BST1: variants seen among roughly 807,000 people sequenced by gnomAD.
The protein encoded by BST1 is bone marrow stromal cell antigen 1.
BST1 carries 49 observed loss-of-function variants against 40.6 expected under a neutral mutation model. The observed-to-expected ratio is 1.21, with a 90% CI of 0.96 to 1.53. BST1 has a LOEUF of 1.53. Among genes scored for constraint, BST1 ranks in the 40% most tolerant of loss-of-function variants. The probability of loss-of-function intolerance (pLI) is 0.00; values close to 1 mark genes in which losing one functional copy is unlikely to be tolerated. For synonymous variants in BST1, 157 were observed against 159.3 expected (o/e 0.99, Z 0.11); for missense variants, 423 against 395.9 (o/e 1.07, Z -0.58).
At chr4:15,759,060 CAGTTA>C in the BST1 span, among the ~76,000 whole-genome samples, 1 of 152,052 alleles carries the variant, frequency 6.6e-6, no homozygotes, top group African/African-American at 2.4e-5. Context: ...TGTGTGTCCT[CAGTTA>C]AGTTAACTGA....
rs768812776 is a variant in BST1, at chr4:15,707,584, G to A, written c.389G>A (p.Ser130Asn). ...AACACCCGTCGTTTTATGCCCCTGA[G>A]CGATGTTCTGTATGGCAGGGTTGCA... ...ADNTRRFMPLSDVLYGRVADF... is the reference protein window; with the variant it reads ...ADNTRRFMPLNDVLYGRVADF... Residue 130 changes from serine to asparagine, a missense_variant, in exon 3 of 9, where the codon AGC (serine) becomes AAC (asparagine). Ser to Asn is a conservative substitution (Grantham distance 46, BLOSUM62 1). Transcript: ENST00000265016. The A allele has an allele frequency of 3.1e-6, 5 of 1,613,932 alleles. No homozygotes were observed. Among genetic ancestry groups the A allele is most frequent in the East Asian group, 2.2e-5 (1 of 44,882 alleles).
the BST1 span, among the ~76,000 whole-genome samples, chr4:15,756,965 T>C: frequency 2.0e-5 from 3 of 152,222 alleles, no homozygotes; most frequent in Non-Finnish European, 4.4e-5. Context: ...GTAAAAGAAA[T>C]GTATGCCTAT....
Position 15,707,594 on chromosome 4 carries a change from G to C in BST1, c.399G>C (p.Leu133=), listed in dbSNP as rs773856042. The part of the protein sequence containing the change: ...TRRFMPLSDV[L]YGRVADFLSW... ...GTTTTATGCCCCTGAGCGATGTTCT[G>C]TATGGCAGGGTTGCAGATTTCTTGA... The change falls in exon 3 of 9, where the codon CTG becomes CTC. Residue 133 remains leucine (L), a synonymous_variant. Coordinates refer to ENST00000265016, the MANE Select transcript of BST1 (RefSeq NM_004334.3). 6.2e-7 allele frequency: 1 copy of C among 1,614,054 alleles called. No individual in the cohort carries two copies. The highest frequency in any genetic ancestry group is 8.5e-7 in the Non-Finnish European group (1 of 1,179,986).
chr4:15,707,792 C>G, intron 3 of BST1, 146 bp downstream of exon 3: 1 of 992,948 alleles, frequency 1.0e-6, no homozygotes, highest in South Asian at 1.8e-5. Flanking sequence ...TTAATAATAA[C>G]AATACTAGAG....
chr4:15,755,806 A>G, the BST1 span, among the ~76,000 whole-genome samples: 104 of 152,266 alleles, frequency 6.8e-4, 1 homozygote, highest in African/African-American at 2.4e-3. Context: ...GAAAAAAAAA[A>G]CTTAACCATT....
intron 8 of BST1, among the ~76,000 whole-genome samples, chr4:15,724,457 C>A (rs1485408784): frequency 6.6e-6 from 1 of 152,112 alleles, no homozygotes. Context: ...GAGGCTGAGG[C>A]GGGTGGATCA....
chr4:15,731,042 TC>T, intron 8 of BST1: 1 of 555,534 alleles, frequency 1.8e-6, no homozygotes. Flanking sequence ...TGCCAGTTTT[TC>T]TTGAGCAATG....
chr4:15,757,600 C>A, the BST1 span, among the ~76,000 whole-genome samples: 2 of 152,018 alleles, frequency 1.3e-5, no homozygotes, highest in African/African-American at 4.8e-5. Flanking sequence ...ATTAATATTA[C>A]AGAGAATCCT....
chr4:15,748,570 C>T, the BST1 span, among the ~76,000 whole-genome samples: 196 of 152,300 alleles, frequency 1.3e-3, 2 homozygotes, highest in African/African-American at 4.5e-3. Flanking sequence ...TCTGCCAGGG[C>T]TGGGAATAGA....
chr4:15,712,985 T>A (rs1359738071), intron 4 of BST1, among the ~76,000 whole-genome samples: 1 of 152,206 alleles, frequency 6.6e-6, no homozygotes, highest in Non-Finnish European at 1.5e-5. Flanking sequence ...CCAGTGGATC[T>A]GCCAGACTTC....
At chr4:15,743,570 A>C in the BST1 span, 1 of 358,528 alleles carries the variant, frequency 2.8e-6, no homozygotes, top group South Asian at 2.3e-5. Context: ...TGCTGATGGC[A>C]CAAAGGGCCC....
chr4:15,751,666 T>C, the BST1 span, among the ~76,000 whole-genome samples: 15 of 151,888 alleles, frequency 9.9e-5, no homozygotes, highest in Non-Finnish European at 1.9e-4. Flanking sequence ...TAGATCTATA[T>C]TTATATAGTA....
chr4:15,704,909 G>A (rs373490839), intron 1 of BST1: 13 of 769,966 alleles, frequency 1.7e-5, no homozygotes, highest in Admixed American at 5.2e-5. Context: ...TTTTATTGTC[G>A]CACATTTCAG....
At chr4:15,709,649 C>T (rs1051509376) in intron 3 of BST1, among the ~76,000 whole-genome samples, 8 of 152,202 alleles carry the variant, frequency 5.3e-5, no homozygotes, top group South Asian at 2.1e-4. Flanking sequence ...TATCTATGCC[C>T]TCCTATCAGG....
intron 8 of BST1, among the ~76,000 whole-genome samples, chr4:15,727,118 G>T (rs2148893958): frequency 6.6e-6 from 1 of 152,270 alleles, no homozygotes; most frequent in East Asian, 1.9e-4. Flanking sequence ...TGTCATCAAT[G>T]ATGCTGAGGT....
At chr4:15,725,591 G>A (rs1479600835) in intron 8 of BST1, among the ~76,000 whole-genome samples, 1 of 152,004 alleles carries the variant, frequency 6.6e-6, no homozygotes, top group Admixed American at 6.6e-5. Flanking sequence ...CATCTTCCAG[G>A]TTCATCATAC....
At chr4:15,731,526 C>A in intron 8 of BST1, 1 of 1,052,750 alleles carries the variant, frequency 9.5e-7, no homozygotes, top group Non-Finnish European at 1.5e-6. Context: ...AGCTGATCTG[C>A]AACTCCACCA....
At chr4:15,742,753 T>C (rs1721775739), downstream of BST1, among the ~76,000 whole-genome samples, 1 of 152,228 alleles carries the variant, frequency 6.6e-6, no homozygotes, top group Non-Finnish European at 1.5e-5. Context: ...TACAGTGTTA[T>C]CAGGCTGTTA....
chr4:15,739,507 T>C (rs1218862201), downstream of BST1, among the ~76,000 whole-genome samples: 2 of 151,694 alleles, frequency 1.3e-5, no homozygotes, highest in African/African-American at 4.8e-5. Flanking sequence ...AACTCTTCAC[T>C]GAAATGACTT....
Sources: gnomAD v4.1 joint callset for allele counts (sites outside exome capture counted in the v4.1 genomes callset) on GRCh38, gnomAD v4.1.1 for gene constraint, MANE v1.5 for transcripts, NCBI Gene and HGNC (gene_info 2026-07-23, HGNC 2026-07-21) for gene names.